TP53BP1: variants seen among roughly 807,000 people sequenced by gnomAD.
TP53BP1 encodes TP53-binding protein 1.
A neutral mutation model predicts 200.8 loss-of-function variants in TP53BP1; 61 were observed. That is an observed-to-expected ratio of 0.30 (90% CI 0.25 to 0.38). TP53BP1 has a LOEUF of 0.38. TP53BP1 is among the 10% of genes least tolerant of loss of function. TP53BP1 has a pLI of 1.00. For synonymous variants in TP53BP1, 822 were observed against 844.3 expected (o/e 0.97, Z 0.46); for missense variants, 2,144 against 2,371.9 (o/e 0.90, Z 2.00).
chr15:43,474,746 A>C lies in TP53BP1; in HGVS notation c.1107T>G (p.Ala369=). The change falls in exon 10 of 28, where the codon GCT becomes GCG. Residue 369 remains alanine, a synonymous_variant. Transcript: ENST00000382044. ...TAGATCGGAAAGCATCAGGAGAAGG[A>C]GCAACAAGATCTGAAGAATTCCTTT... ...SLSTNSSDLV[A]PSPDAFRSTP... is the part of the protein sequence containing the mutation. 3.1e-6 allele frequency: 5 copies of C among 1,612,354 alleles called. No homozygotes were observed. Among genetic ancestry groups the C allele is most frequent in the Non-Finnish European group, 4.2e-6 (5 of 1,178,398 alleles).
intron 12 of TP53BP1, among the ~76,000 whole-genome samples, chr15:43,453,229 A>G (rs1055890086): frequency 4.6e-5 from 7 of 151,362 alleles, no homozygotes; most frequent in African/African-American, 1.7e-4. Context: ...GTACTCCAAA[A>G]TAACTATATT....
intron 11 of TP53BP1, among the ~76,000 whole-genome samples, chr15:43,467,716 A>G (rs563871492): frequency 6.6e-6 from 1 of 151,488 alleles, no homozygotes; most frequent in East Asian, 1.9e-4. Context: ...ATCTGTAACC[A>G]TTTTCTTTAA....
rs145280542 is a variant in TP53BP1 at position 43,501,839 on chromosome 15, A to C, written c.-9+8531T>G. On this transcript the variant is annotated intron_variant, in intron 1 of 27. Coordinates refer to the TP53BP1 transcript ENST00000263801. ...TGTATGCAACACAACTTGTTTTATT[A>C]ATTCTCCTATTACTGCATATTTGGG... 2.1e-3 allele frequency among the ~76,000 whole-genome samples: 320 copies of C among 152,282 alleles called. 2 individuals carry two copies. The highest frequency in any genetic ancestry group is 7.2e-3 in the African/African-American group (298 of 41,550).
At position 43,426,837 on chromosome 15, in the gene TP53BP1, G is replaced by A. The variant is rs1428351828; in HGVS notation, c.3828+1179C>T. 4.0e-5 allele frequency among the ~76,000 whole-genome samples: 6 copies of A among 148,958 alleles called. No homozygotes were observed. The South Asian group carries it at 6.4e-4, about 16-fold the overall frequency. On this transcript the variant is annotated intron_variant, in intron 18 of 27. Coordinates refer to ENST00000382044, the MANE Select transcript of TP53BP1 (RefSeq NM_001141980.3). ...AGCCTGGCCAAGATGGTGAAACCCC[G>A]TCTCTACTAGAAATACAAAAAAAAA...
At chr15:43,487,816 C>T (rs1170771136) in intron 4 of TP53BP1, among the ~76,000 whole-genome samples, 1 of 150,818 alleles carries the variant, frequency 6.6e-6, no homozygotes, top group Non-Finnish European at 1.5e-5. Context: ...AAAACCTGTT[C>T]ATAAATGCTT....
Position 43,420,722 on chromosome 15 carries a change from G to A in TP53BP1, c.4264C>T (p.Pro1422Ser). The A allele has an allele frequency of 6.2e-7, 1 of 1,613,276 alleles. No individual in the cohort carries two copies. Among genetic ancestry groups the A allele is most frequent in the Non-Finnish European group, 8.5e-7 (1 of 1,179,526 alleles). ...ATGTCCTCTATGCCCAAGGGGCCAG[G>A]CACAGCTGTTTCTCTAAAGAGAGAT... The part of the protein sequence containing the change: ...RTTGTRETAV[P>S]GPLGIEDISP... The change falls in exon 21 of 28, where the codon CCT becomes TCT. Residue 1422 changes from proline (P) to serine (S), a missense_variant. Around this residue, in one of 4 missense-constraint regions of TP53BP1, gnomAD observed 1,700 missense variants for 1,710.3 expected, o/e 0.99. Transcript: ENST00000382044.
chr15:43,407,596 A>G (rs2142925405), intron 27 of TP53BP1, 26 bp from the exon 28 acceptor site: 1 of 1,596,288 alleles, frequency 6.3e-7, no homozygotes, highest in Non-Finnish European at 8.6e-7. Flanking sequence ...GAAAGTGAAG[A>G]AGGAAAGGAC....
intron 23 of TP53BP1, among the ~76,000 whole-genome samples, 161 bp from the exon 24 acceptor site, chr15:43,413,495 C>G (rs1449471320): frequency 6.6e-6 from 1 of 152,194 alleles, no homozygotes; most frequent in Non-Finnish European, 1.5e-5. Context: ...AATGGCCAAC[C>G]ATTCTAAATG....
rs536434619 is a variant in TP53BP1 at position 43,417,506 on chromosome 15, C to T, written c.4682-1090G>A. Among the ~76,000 whole-genome samples the T allele has an allele frequency of 9.2e-5, 14 of 152,320 alleles. No individual in the cohort carries two copies. The East Asian group carries it at 2.7e-3, about 29-fold the overall frequency. On this transcript the variant is annotated intron_variant, in intron 21 of 27. Transcript: ENST00000382044. ...AGCCCAAGGCCAACAATATACTTCA[C>T]ACTAATGAAGAGCTACTAGAACTAG...
rs373306095 is a variant in TP53BP1 at position 43,421,841 on chromosome 15, G to C, written c.4100+14C>G. The stretch of plus-strand genomic sequence containing the variant: ...CCTGCTGTGGCTCTCTCTCTCTGGA[G>C]ACCCTGTCTGCACCTCAGTTTTCCT... On this transcript the variant is annotated intron_variant, in intron 19 of 27. Coordinates refer to ENST00000382044, the MANE Select transcript of TP53BP1 (RefSeq NM_001141980.3). 1 of 1,613,800 alleles carries C rather than the reference G, an allele frequency of 6.2e-7. No homozygotes were observed. Among genetic ancestry groups the C allele is most frequent in the Non-Finnish European group, 8.5e-7 (1 of 1,179,936 alleles).
Position 43,470,044 on chromosome 15 carries a change from C to A in TP53BP1, c.1203G>T (p.Val401=), listed in dbSNP as rs769229201. 7 of 1,612,986 alleles carry A rather than the reference C, an allele frequency of 4.3e-6. No homozygotes were observed. The highest frequency in any genetic ancestry group is 5.9e-6 in the Non-Finnish European group (7 of 1,180,002). ...GRQDKPMDTS[V]LSEEGGEPFQ... ...AAGGCTCTCCTCCTTCTTCAGATAACACTGACGTGTCCATTGGCTTATCTG... is the reference window on the plus strand; with the variant it reads ...AAGGCTCTCCTCCTTCTTCAGATAAAACTGACGTGTCCATTGGCTTATCTG... The change falls in exon 11 of 28, where the codon GTG becomes GTT. Residue 401 remains valine (V), a synonymous_variant. Transcript: ENST00000382044.
intron 1 of TP53BP1, among the ~76,000 whole-genome samples, chr15:43,509,345 T>G (rs2079258054): frequency 6.6e-6 from 1 of 152,192 alleles, no homozygotes; most frequent in South Asian, 2.1e-4. Context: ...CCAAATTGGT[T>G]GCAGAGTGGA....
In TP53BP1 at chr15:43,428,079, G is replaced by A. The variant is rs61757241; in HGVS notation, c.3765C>T (p.Val1255=). ...MRTIREVRTL[V]TRVITDVYYV... ...AATACACATCTGTAATGACACGAGTGACAAGTGTGCGTACTTCCCGGATTG... is the reference window on the plus strand; with the variant it reads ...AATACACATCTGTAATGACACGAGTAACAAGTGTGCGTACTTCCCGGATTG... The change falls in exon 18 of 28, where the codon GTC becomes GTT. Residue 1255 remains valine, a synonymous_variant. Transcript: ENST00000382044. 6.1e-3 allele frequency: 9,758 copies of A among 1,612,806 alleles called. 144 individuals carry two copies. The highest frequency in any genetic ancestry group is 0.047 in the East Asian group (2,092 of 44,864).
chr15:43,477,886 T>C, intron 7 of TP53BP1, 127 bp from the exon 8 acceptor site: 1 of 662,694 alleles, frequency 1.5e-6, no homozygotes. Context: ...ATTTACATAA[T>C]TATATATTAA....
intron 12 of TP53BP1, among the ~76,000 whole-genome samples, chr15:43,455,409 T>C (rs928648257): frequency 2.0e-5 from 3 of 152,056 alleles, no homozygotes; most frequent in Non-Finnish European, 4.4e-5. Flanking sequence ...ATTGCACAAA[T>C]AATTATAGCT....
chr15:43,508,359 C>CA (rs545928465), intron 1 of TP53BP1, among the ~76,000 whole-genome samples: 34 of 150,448 alleles, frequency 2.3e-4, no homozygotes, highest in Non-Finnish European at 3.0e-4. Flanking sequence ...GACTCCGTCT[C>CA]AAAAAAAAAA....
chr15:43,480,096 G>A lies in TP53BP1; in HGVS notation c.500-79C>T, dbSNP rs1467527028. 4 of 1,393,588 alleles carry A rather than the reference G, an allele frequency of 2.9e-6. No homozygotes were observed. The South Asian group carries it at 5.1e-5, about 18-fold the overall frequency. The allele number at this position is 1,393,588 out of a possible 1,614,324, so 86.3% of individuals were successfully genotyped here. A position where few individuals can be genotyped will look rare whatever the true frequency, so the allele number is the denominator to read the frequency against. ...ACAAGCTGCTGTCCTCAGCAAAGGA[G>A]GGTCCCGTTAAGTCCTTCACATCAA... On this transcript the variant is annotated intron_variant, in intron 5 of 27. Transcript: ENST00000382044.
Position 43,438,324 on chromosome 15 carries a change from C to A in TP53BP1, c.3191G>T (p.Arg1064Met). 6.2e-7 allele frequency: 1 copy of A among 1,613,022 alleles called. No individual in the cohort carries two copies. Among genetic ancestry groups the A allele is most frequent in the South Asian group, 1.1e-5 (1 of 90,812 alleles). The change falls in exon 16 of 28, where the codon AGG becomes ATG. Residue 1064 changes from arginine (R) to methionine (M), a missense_variant and splice_region_variant. Arg to Met is a moderately conservative substitution (Grantham distance 91). Transcript: ENST00000382044. ...RSEDPPTTPI[R>M]GNLLHFPSSQ... ...AAGATTCTATAAAAATAATGCTTAC[C>A]TGATGGGTGTGGTGGGGGGATCCTC...
chr15:43,479,753 G>C, intron 6 of TP53BP1, 106 bp downstream of exon 6: 3 of 1,380,956 alleles, frequency 2.2e-6, no homozygotes, highest in African/African-American at 1.5e-5. Context: ...AAATTACTTA[G>C]ATTATATTAA....
Sources: gnomAD v4.1 joint callset for allele counts (sites outside exome capture counted in the v4.1 genomes callset) on GRCh38, gnomAD v4.1.1 for gene constraint, gnomAD v4.1.1 regional missense constraint, MANE v1.5 for transcripts, NCBI Gene and HGNC (gene_info 2026-07-23, HGNC 2026-07-21) for gene names.